Variants in BRCA1 observed in about 807,000 individuals in gnomAD.
BRCA1 encodes the protein breast cancer type 1 susceptibility protein.
Under a neutral mutation model 173.7 loss-of-function variants are expected in BRCA1, and 140 were observed. The ratio of observed to expected loss-of-function variants is 0.81; its 90% CI spans 0.70 to 0.93. The LOEUF is 0.93. BRCA1 is among the 40% of genes least tolerant of loss of function. The probability of loss-of-function intolerance (pLI) is 0.00; values close to 1 mark genes in which losing one functional copy is unlikely to be tolerated. For synonymous variants in BRCA1, 662 were observed against 756.0 expected, an observed-to-expected ratio of 0.88 and a Z score of 2.04; for missense variants, 1,983 against 2,172.5, an observed-to-expected ratio of 0.91 and a Z score of 1.73.
At chr17:43,120,233 G>T (rs1016772494) in intron 2 of BRCA1, among the ~76,000 whole-genome samples, 3 of 152,204 alleles carry the variant, frequency 2.0e-5, no homozygotes, top group Admixed American at 6.5e-5. Context: ...GTCAGAAATA[G>T]CTGCCAATAT....
At chr17:43,065,618 C>T (rs1466470067) in intron 16 of BRCA1, among the ~76,000 whole-genome samples, 4 of 152,138 alleles carry the variant, frequency 2.6e-5, no homozygotes, top group South Asian at 2.1e-4. Flanking sequence ...AAGCCAAGAT[C>T]GTGCCATTGC....
At chr17:43,105,063 C>T in intron 4 of BRCA1, 107 bp from the exon 5 acceptor site, 1 of 867,340 alleles carries the variant, frequency 1.2e-6, no homozygotes, top group South Asian at 1.4e-5. Flanking sequence ...GATGCAGCAA[C>T]AGTAGAAAAC....
At chr17:43,139,298 G>C (rs1295391929) in intron 1 of BRCA1, among the ~76,000 whole-genome samples, 1 of 144,830 alleles carries the variant, frequency 6.9e-6, no homozygotes, top group Non-Finnish European at 1.5e-5. Context: ...AGCTAAACTT[G>C]TGTCACATGG....
Position 43,092,918 on chromosome 17 carries a change from C to T in BRCA1, c.2613G>A (p.Pro871=), listed in dbSNP as rs587782608. ...FKVSKRQSFA[P]FSNPGNAEEE... ...CTTCTGCATTTCCTGGATTTGAAAACGGAGCAAATGACTGGCGCTTTGAAA... is the reference window on the plus strand; with the variant it reads ...CTTCTGCATTTCCTGGATTTGAAAATGGAGCAAATGACTGGCGCTTTGAAA... Residue 871 remains proline (P), a synonymous_variant, in exon 10 of 23, where the codon CCG becomes CCA. Transcript: ENST00000357654. The T allele has an allele frequency of 1.2e-5, 19 of 1,613,722 alleles. No homozygotes were observed. In the East Asian group the frequency reaches 1.3e-4, roughly 11 times the overall value.
intron 21 of BRCA1, among the ~76,000 whole-genome samples, chr17:43,048,505 T>A (rs984139855): frequency 6.7e-6 from 1 of 148,208 alleles, no homozygotes. Flanking sequence ...GCACCTAGCT[T>A]TTCTCTCTCT....
rs188268795 is a variant in BRCA1 at position 43,075,472 on chromosome 17, A to G, written c.4485-951T>C. Among the ~76,000 whole-genome samples, 4 of 152,322 alleles carry G rather than the reference A, an allele frequency of 2.6e-5. No individual in the cohort carries two copies. In the East Asian group the frequency reaches 7.7e-4, roughly 29 times the overall value. On this transcript the variant is annotated intron_variant, in intron 13 of 22. Transcript: ENST00000357654. ...AAGGGCCTCAGAGGTTAATTAATTT[A>G]AACAATTATTGGGTGCTTACTATGG... is the stretch of plus-strand genomic sequence containing the variant.
At chr17:43,166,132 CTCTGTG>C (rs1216604510) in intron 1 of BRCA1, 6 of 92,590 alleles carry the variant, frequency 6.5e-5, no homozygotes, top group Non-Finnish European at 1.2e-4. Context: ...CTTCCTCTCT[CTCTGTG>C]TGTGTGTGTG....
chr17:43,048,263 C>T (rs542219734), intron 21 of BRCA1, among the ~76,000 whole-genome samples: 35 of 151,866 alleles, frequency 2.3e-4, no homozygotes, highest in African/African-American at 7.5e-4. Context: ...AGTGCAGTGG[C>T]GCGATCTTGG....
intron 11 of BRCA1, among the ~76,000 whole-genome samples, chr17:43,089,278 G>A (rs973202665): frequency 6.6e-6 from 1 of 151,842 alleles, no homozygotes; most frequent in Non-Finnish European, 1.5e-5. Flanking sequence ...AGCCAAAATT[G>A]TGCCACTGCA....
Position 43,044,690 on chromosome 17 carries a change from A to G in BRCA1, c.*988T>C, listed in dbSNP as rs1205776370. ...TTACTTATTACTAATGAGGAATTAGAAGACTGTCTTTGGAAACCGGTTCTT... is the reference window on the plus strand; with the variant it reads ...TTACTTATTACTAATGAGGAATTAGGAGACTGTCTTTGGAAACCGGTTCTT... On this transcript the variant is annotated 3_prime_UTR_variant, in exon 23 of 23. Coordinates refer to ENST00000357654, the MANE Select transcript of BRCA1 (RefSeq NM_007294.4). The G allele has an allele frequency of 2.0e-6, 1 of 507,994 alleles. No homozygotes were observed. Among genetic ancestry groups the G allele is most frequent in the South Asian group, 1.5e-5 (1 of 64,784 alleles). 31.5% of individuals were successfully genotyped at this position (507,994 alleles called of 1,614,324 possible).
chr17:43,155,299 A>T (rs1028928858), intron 1 of BRCA1, among the ~76,000 whole-genome samples: 17 of 152,104 alleles, frequency 1.1e-4, no homozygotes, highest in African/African-American at 4.1e-4. Flanking sequence ...CCTCCCGAGT[A>T]GCTGGGACTA....
rs879254050 is a variant in BRCA1 at position 43,067,624 on chromosome 17, A to ATGAG, written c.5054_5057dup (p.Val1687SerfsTer9). 1 of 1,611,970 alleles carries ATGAG rather than the reference A, an allele frequency of 6.2e-7. No individual in the cohort carries two copies. Among genetic ancestry groups the ATGAG allele is most frequent in the African/African-American group, 1.3e-5 (1 of 74,874 alleles). On this transcript the variant is annotated frameshift_variant, in exon 16 of 23. Transcript: ENST00000357654. LOFTEE classifies it high-confidence loss of function. ...TTGGTATACCTGTTTTCATAACAAC[A>ATGAG]TGAGTAGTCTCTTCAGTAATTAGAT... is the stretch of plus-strand genomic sequence containing the variant.
At chr17:43,049,863 C>T (rs969296166) in intron 20 of BRCA1, among the ~76,000 whole-genome samples, 2 of 152,154 alleles carry the variant, frequency 1.3e-5, no homozygotes, top group African/African-American at 2.4e-5. Context: ...CCCATCAGCC[C>T]GTTTCTGGGA....
chr17:43,088,648 T>C (rs936569029), intron 11 of BRCA1, among the ~76,000 whole-genome samples: 1 of 152,196 alleles, frequency 6.6e-6, no homozygotes, highest in Admixed American at 6.5e-5. Flanking sequence ...TTCAGAAAGT[T>C]CATAAAAAAA....
chr17:43,124,206 T>G lies in BRCA1; in HGVS notation c.-19-91A>C, dbSNP rs1406349968. Reference sequence around the variant, plus strand: ...TTTATCATTTTAAAATAAAGTAAATTTAAGATTTGGAAGGTTTTAGAATAA... The same window carrying G: ...TTTATCATTTTAAAATAAAGTAAATGTAAGATTTGGAAGGTTTTAGAATAA... On this transcript the variant is annotated intron_variant, in intron 1 of 22. Transcript: ENST00000357654. 70 of 819,036 alleles carry G rather than the reference T, an allele frequency of 8.5e-5. 2 individuals carry two copies. The highest frequency in any genetic ancestry group is 4.3e-4 in the East Asian group (16 of 36,900). The allele number at this position is 819,036 out of a possible 1,614,324, so 50.7% of individuals were successfully genotyped here.
chr17:43,148,480 C>G (rs778358195), intron 1 of BRCA1: 4 of 152,158 alleles, frequency 2.6e-5, no homozygotes, highest in Non-Finnish European at 5.9e-5. Context: ...TGCGTTTTCT[C>G]TTGTGGGCAG....
At chr17:43,138,408 C>T in intron 1 of BRCA1, 2 of 556,554 alleles carry the variant, frequency 3.6e-6, no homozygotes, top group South Asian at 2.0e-5. Context: ...GGTTGTGTGT[C>T]ACCTGCTGCC....
chr17:43,079,917 TGTTAGAA>T (rs1361228434), intron 12 of BRCA1: 4 of 624,454 alleles, frequency 6.4e-6, no homozygotes, highest in Non-Finnish European at 1.1e-5. Flanking sequence ...TAAGATAACT[TGTTAGAA>T]GTTAACAACT....
intron 1 of BRCA1, among the ~76,000 whole-genome samples, chr17:43,134,999 T>G (rs1333118417): frequency 1.3e-5 from 2 of 152,214 alleles, no homozygotes; most frequent in Non-Finnish European, 2.9e-5. Flanking sequence ...CCCCAATTCC[T>G]CAGCCCTACA....
Sources: gnomAD v4.1 joint callset for allele counts (sites outside exome capture counted in the v4.1 genomes callset) on GRCh38, gnomAD v4.1.1 for gene constraint, MANE v1.5 for transcripts, NCBI Gene and HGNC (gene_info 2026-07-23, HGNC 2026-07-21) for gene names.